RBM15B: variants seen among roughly 807,000 people sequenced by gnomAD.
The protein encoded by RBM15B is RNA binding motif protein 15B, also known as putative RNA-binding protein 15B.
A neutral mutation model predicts 53.3 loss-of-function variants in RBM15B; 11 were observed. The observed-to-expected ratio is 0.21, with a 90% CI of 0.13 to 0.34. RBM15B has a LOEUF of 0.34. Ranked by LOEUF, RBM15B falls within the 10% of genes least tolerant of loss-of-function variation. The probability of loss-of-function intolerance (pLI) is 1.00; values close to 1 mark genes in which losing one functional copy is unlikely to be tolerated. For missense variants in RBM15B, 1,136 were observed against 1,250.3 expected (o/e 0.91, Z 1.38); for synonymous variants, 631 against 540.7 (o/e 1.17, Z -2.32).
In RBM15B at chr3:51,393,279, G is replaced by A. The variant is rs1553621930; in HGVS notation, c.1880G>A (p.Gly627Asp). The A allele has an allele frequency of 1.9e-6, 3 of 1,611,472 alleles. No individual in the cohort carries two copies. The highest frequency in any genetic ancestry group is 2.5e-6 in the Non-Finnish European group (3 of 1,178,898). ...GGCAGTGGGCAGCAGTCAGAGCGGGGCTCCGACCGCACCCCTGAGCGCAGC... is the reference window on the plus strand; with the variant it reads ...GGCAGTGGGCAGCAGTCAGAGCGGGACTCCGACCGCACCCCTGAGCGCAGC... The part of the protein sequence containing the change: ...TKGSGQQSER[G>D]SDRTPERSRK... The change falls in exon 1 of 1, where the codon GGC (glycine) becomes GAC (aspartate). Residue 627 changes from glycine to aspartate, a missense_variant. Coordinates refer to ENST00000563281, the MANE Select transcript of RBM15B (RefSeq NM_013286.5). This position sits in a 1 kb window ranked among gnomAD's most constrained non-coding sequence, Gnocchi z 5.6.
rs200506718 is a variant in RBM15B, at chr3:51,394,097, A to T, written c.*25A>T. ...GCCCAAGCCTGTCTTTCCCAGCGTC[A>T]TGTTTGTGTCACAAAAGCAGTTATT... On this transcript the variant is annotated 3_prime_UTR_variant, in exon 1 of 1. Transcript: ENST00000563281. The T allele has an allele frequency of 1.4e-6, 2 of 1,395,124 alleles. No individual in the cohort carries two copies. The highest frequency in any genetic ancestry group is 2.9e-5 in the African/African-American group (2 of 68,100). The allele number at this position is 1,395,124 out of a possible 1,614,324, so 86.4% of individuals were successfully genotyped here.
rs1553622571 is a variant in RBM15B, at chr3:51,395,521, C to T, written c.*1449C>T. 1 of 327,610 alleles carries T rather than the reference C, an allele frequency of 3.1e-6. No individual in the cohort carries two copies. Among genetic ancestry groups the T allele is most frequent in the Non-Finnish European group, 5.8e-6 (1 of 172,038 alleles). 20.3% of individuals were successfully genotyped at this position (327,610 alleles called of 1,614,324 possible). Reference sequence around the variant, plus strand: ...TTGTCACCATGGAACACCCCAAATGCCATTCTTCAGCGTGTCTGGTACCTT... The same window carrying T: ...TTGTCACCATGGAACACCCCAAATGTCATTCTTCAGCGTGTCTGGTACCTT... On this transcript the variant is annotated 3_prime_UTR_variant, in exon 1 of 1. Transcript: ENST00000563281.
rs782416340 is a variant in RBM15B at position 51,397,626 on chromosome 3, C to G, written c.*3554C>G. 6.0e-6 allele frequency: 1 copy of G among 167,126 alleles called. No homozygotes were observed. The highest frequency in any genetic ancestry group is 1.5e-5 in the Non-Finnish European group (1 of 68,164). 10.4% of individuals were successfully genotyped at this position (167,126 alleles called of 1,614,324 possible). On this transcript the variant is annotated 3_prime_UTR_variant, in exon 1 of 1. Coordinates refer to ENST00000563281, the MANE Select transcript of RBM15B (RefSeq NM_013286.5). ...GGGAACAAAGCCCTGACCTCTCTCT[C>G]CACATTACCCTTACAAAAACAGGCC...
In RBM15B at chr3:51,394,142, C is replaced by A. The variant is rs1553622185; in HGVS notation, c.*70C>A. The A allele has an allele frequency of 3.0e-6, 4 of 1,342,942 alleles. No individual in the cohort carries two copies. Among genetic ancestry groups the A allele is most frequent in the Admixed American group, 6.0e-5 (2 of 33,360 alleles). 83.2% of individuals were successfully genotyped at this position (1,342,942 alleles called of 1,614,324 possible). On this transcript the variant is annotated 3_prime_UTR_variant, in exon 1 of 1. Coordinates refer to ENST00000563281, the MANE Select transcript of RBM15B (RefSeq NM_013286.5). ...GTTATTTTAAAATCTGATCCCCTCT[C>A]TACCCTACCACTTTGGTTTGAATTA...
chr3:51,393,448 C>G lies in RBM15B; in HGVS notation c.2049C>G (p.Asp683Glu). The G allele has an allele frequency of 6.2e-7, 1 of 1,613,910 alleles. No homozygotes were observed. ...CTTCCCACGGGAAGAAGGCAAGAGA[C>G]AGCGAGCGCAATCACCGGACCACAG... ...ADSSHGKKAR[D>E]SERNHRTTEA... Residue 683 changes from aspartate to glutamate, a missense_variant, in exon 1 of 1, where the codon GAC becomes GAG. This residue lies in a region of RBM15B where 578 missense variants were observed against 581.6 expected (regional missense o/e 0.99). Transcript: ENST00000563281. This position sits in a 1 kb window ranked among gnomAD's most constrained non-coding sequence, Gnocchi z 5.6.
At position 51,393,541 on chromosome 3, in the gene RBM15B, C is replaced by T. The variant is rs782418158; in HGVS notation, c.2142C>T (p.Tyr714=). 1.3e-5 allele frequency: 21 copies of T among 1,614,062 alleles called. No individual in the cohort carries two copies. The highest frequency in any genetic ancestry group is 8.8e-5 in the South Asian group (8 of 91,080). ...AAAAGCTGAAGAATCTTTCAGAGTACGCTCAGACACTACAGCTGGGTTGGA... is the reference window on the plus strand; with the variant it reads ...AAAAGCTGAAGAATCTTTCAGAGTATGCTCAGACACTACAGCTGGGTTGGA... ...ETKKLKNLSE[Y]AQTLQLGWNG... is the part of the protein sequence containing the mutation. Residue 714 remains tyrosine, a synonymous_variant, in exon 1 of 1, where the codon TAC becomes TAT. Coordinates refer to ENST00000563281, the MANE Select transcript of RBM15B (RefSeq NM_013286.5). The surrounding 1 kb of genome is among the most constrained non-coding windows in gnomAD (Gnocchi z 5.6).
chr3:51,395,882 T>TTTA lies in RBM15B; in HGVS notation c.*1813_*1815dup, dbSNP rs1333534233. The TTTA allele has an allele frequency of 1.2e-5, 5 of 413,440 alleles. No homozygotes were observed. In the East Asian group the frequency reaches 1.8e-4, roughly 15 times the overall value. 25.6% of individuals were successfully genotyped at this position (413,440 alleles called of 1,614,324 possible). A position where few individuals can be genotyped will look rare whatever the true frequency, so the allele number is the denominator to read the frequency against. On this transcript the variant is annotated 3_prime_UTR_variant, in exon 1 of 1. Coordinates refer to ENST00000563281, the MANE Select transcript of RBM15B (RefSeq NM_013286.5). Reference sequence around the variant, plus strand: ...GCAACACAAAGACATGTTAAGCATGTTTATTTATTTGCCTGTTTTTGTTTT... The same window carrying TTTA: ...GCAACACAAAGACATGTTAAGCATGTTTATTATTTATTTGCCTGTTTTTGTTTT...
In RBM15B at chr3:51,393,144, G is replaced by A. The variant is rs1553621902; in HGVS notation, c.1745G>A (p.Gly582Glu). The A allele has an allele frequency of 1.9e-6, 3 of 1,613,932 alleles. No individual in the cohort carries two copies. The highest frequency in any genetic ancestry group is 2.5e-6 in the Non-Finnish European group (3 of 1,179,954). ...AGTGGTGAGCGTTGGGGGGCAGATG[G>A]AGACCGTGGTTTGCCCAAGCCCTGG... Reference protein sequence around the residue: ...SRSGERWGADGDRGLPKPWEE... With the variant: ...SRSGERWGADEDRGLPKPWEE... Residue 582 changes from glycine (G) to glutamate (E), a missense_variant, in exon 1 of 1, where the codon GGA becomes GAA. By Grantham distance (98) the Gly-to-Glu change is moderately conservative. Coordinates refer to ENST00000563281, the MANE Select transcript of RBM15B (RefSeq NM_013286.5). The surrounding 1 kb of genome is among the most constrained non-coding windows in gnomAD (Gnocchi z 5.6).
Position 51,392,242 on chromosome 3 carries a change from C to G in RBM15B, c.843C>G (p.His281Gln). The change falls in exon 1 of 1, where the codon CAC (histidine) becomes CAG (glutamine). Residue 281 changes from histidine to glutamine, a missense_variant. His to Gln is a conservative substitution (Grantham distance 24). Around this residue, in one of 7 missense-constraint regions of RBM15B, gnomAD observed 204 missense variants for 196.8 expected, o/e 1.04. Coordinates refer to ENST00000563281, the MANE Select transcript of RBM15B (RefSeq NM_013286.5). The surrounding 1 kb of genome is among the most constrained non-coding windows in gnomAD (Gnocchi z 7.5). ...CCCTGCGGGAGCCCCGTGCCCGTCA[C>G]GCCGCCGCAGCCTTCGCCCTGGATG... ...APPLREPRAR[H>Q]AAAAFALDAA... 1 of 1,579,778 alleles carries G rather than the reference C, an allele frequency of 6.3e-7. No homozygotes were observed. Among genetic ancestry groups the G allele is most frequent in the Non-Finnish European group, 8.6e-7 (1 of 1,167,610 alleles).
At position 51,393,057 on chromosome 3, in the gene RBM15B, C is replaced by A. The variant is rs782037286; in HGVS notation, c.1658C>A (p.Pro553His). The A allele has an allele frequency of 3.1e-6, 5 of 1,613,808 alleles. No homozygotes were observed. In the African/African-American group the frequency reaches 5.3e-5, roughly 17 times the overall value. ...TTTTTGGAAGGGGACTGGACCAGCC[C>A]CAGTAAAAGCTCTGACCGCCGAAAC... ...RTFLEGDWTS[P>H]SKSSDRRNSL... is the part of the protein sequence containing the mutation. The change falls in exon 1 of 1, where the codon CCC becomes CAC. Residue 553 changes from proline (P) to histidine (H), a missense_variant. Coordinates refer to ENST00000563281, the MANE Select transcript of RBM15B (RefSeq NM_013286.5). The surrounding 1 kb of genome is among the most constrained non-coding windows in gnomAD (Gnocchi z 5.6).
At position 51,392,451 on chromosome 3, in the gene RBM15B, T is replaced by G. The variant is rs781993747; in HGVS notation, c.1052T>G (p.Val351Gly). 9 of 1,613,802 alleles carry G rather than the reference T, an allele frequency of 5.6e-6. No homozygotes were observed. Among genetic ancestry groups the G allele is most frequent in the Non-Finnish European group, 7.6e-6 (9 of 1,180,022 alleles). The part of the protein sequence containing the change: ...IGNLDHSVSE[V>G]ELRRAFEKYG... ...AACCTGGACCACAGCGTATCTGAGG[T>G]GGAGCTGCGAAGGGCCTTCGAGAAA... The change falls in exon 1 of 1, where the codon GTG (valine) becomes GGG (glycine). Residue 351 changes from valine (V) to glycine (G), a missense_variant. Around this residue, in one of 7 missense-constraint regions of RBM15B, gnomAD observed 40 missense variants for 74.2 expected, o/e 0.54. Coordinates refer to ENST00000563281, the MANE Select transcript of RBM15B (RefSeq NM_013286.5). The surrounding 1 kb of genome is among the most constrained non-coding windows in gnomAD (Gnocchi z 7.5).
chr3:51,392,118 C>G lies in RBM15B; in HGVS notation c.719C>G (p.Pro240Arg). The change falls in exon 1 of 1, where the codon CCC (proline) becomes CGC (arginine). Residue 240 changes from proline (P) to arginine (R), a missense_variant. By Grantham distance (103) the Pro-to-Arg change is moderately radical. Transcript: ENST00000563281. This position sits in a 1 kb window ranked among gnomAD's most constrained non-coding sequence, Gnocchi z 7.5. Reference protein sequence around the residue: ...SSSSAAASTPPPGPPAPADPL... With the variant: ...SSSSAAASTPRPGPPAPADPL... ...AGCAGCGCCGCCGCTTCCACGCCTC[C>G]CCCAGGGCCGCCCGCGCCCGCCGAC... 6.5e-7 allele frequency: 1 copy of G among 1,540,170 alleles called. No individual in the cohort carries two copies. The highest frequency in any genetic ancestry group is 8.7e-7 in the Non-Finnish European group (1 of 1,149,196).
chr3:51,391,987 C>G lies in RBM15B; in HGVS notation c.588C>G (p.Ala196=), dbSNP rs1553621624. ...GGCACCCACAGGACGCACGCGAGGCCCGCCAGCACGCCCTGGCCCGGCAGC... is the reference window on the plus strand; with the variant it reads ...GGCACCCACAGGACGCACGCGAGGCGCGCCAGCACGCCCTGGCCCGGCAGC... ...NFRHPQDARE[A]RQHALARQLL... Residue 196 remains alanine, a synonymous_variant, in exon 1 of 1, where the codon GCC becomes GCG. Coordinates refer to ENST00000563281, the MANE Select transcript of RBM15B (RefSeq NM_013286.5). This position sits in a 1 kb window ranked among gnomAD's most constrained non-coding sequence, Gnocchi z 4.5. 1.3e-6 allele frequency: 2 copies of G among 1,599,282 alleles called. No individual in the cohort carries two copies. Among genetic ancestry groups the G allele is most frequent in the South Asian group, 2.2e-5 (2 of 90,696 alleles).
In RBM15B at chr3:51,391,378, G is replaced by T; in HGVS notation, c.-22G>T. 6.6e-6 allele frequency: 8 copies of T among 1,206,592 alleles called. No homozygotes were observed. Among genetic ancestry groups the T allele is most frequent in the South Asian group, 7.3e-5 (2 of 27,236 alleles). 74.7% of individuals were successfully genotyped at this position (1,206,592 alleles called of 1,614,324 possible). On this transcript the variant is annotated 5_prime_UTR_variant, in exon 1 of 1. Transcript: ENST00000563281. This position sits in a 1 kb window ranked among gnomAD's most constrained non-coding sequence, Gnocchi z 4.5. Reference sequence around the variant, plus strand: ...CGCCGCTGTGAGAAACCTACGGGCCGCCCGCCCGCCGCGCCAGCGCCATGA... The same window carrying T: ...CGCCGCTGTGAGAAACCTACGGGCCTCCCGCCCGCCGCGCCAGCGCCATGA...
Position 51,392,638 on chromosome 3 carries a change from G to A in RBM15B, c.1239G>A (p.Lys413=), listed in dbSNP as rs2089057960. The change falls in exon 1 of 1, where the codon AAG becomes AAA. Residue 413 remains lysine (K), a synonymous_variant. Transcript: ENST00000563281. This position sits in a 1 kb window ranked among gnomAD's most constrained non-coding sequence, Gnocchi z 7.5. The stretch of plus-strand genomic sequence containing the variant: ...ACCCCATTAAGATAGGCTATGGCAA[G>A]GCCAACCCCACCACTCGTCTCTGGG... ...GRNPIKIGYG[K]ANPTTRLWVG... 1.5e-5 allele frequency: 24 copies of A among 1,614,140 alleles called. No homozygotes were observed. The highest frequency in any genetic ancestry group is 1.9e-5 in the Non-Finnish European group (23 of 1,180,048).
Position 51,391,523 on chromosome 3 carries a change from T to C in RBM15B, c.124T>C (p.Ser42Pro), listed in dbSNP as rs1553621516. ...AGGRRAAHKASGGAKHPVPAR... is the reference protein window; with the variant it reads ...AGGRRAAHKAPGGAKHPVPAR... ...CGGGCGGCGGGCGGCGCACAAGGCC[T>C]CTGGCGGCGCCAAGCACCCGGTTCC... The change falls in exon 1 of 1, where the codon TCT becomes CCT. Residue 42 changes from serine (S) to proline (P), a missense_variant. Around this residue, in one of 7 missense-constraint regions of RBM15B, gnomAD observed 257 missense variants for 261.1 expected, o/e 0.98. Coordinates refer to ENST00000563281, the MANE Select transcript of RBM15B (RefSeq NM_013286.5). The surrounding 1 kb of genome is among the most constrained non-coding windows in gnomAD (Gnocchi z 4.5). 2 of 1,193,604 alleles carry C rather than the reference T, an allele frequency of 1.7e-6. No homozygotes were observed. The highest frequency in any genetic ancestry group is 2.1e-6 in the Non-Finnish European group (2 of 963,242). The allele number at this position is 1,193,604 out of a possible 1,614,324, so 73.9% of individuals were successfully genotyped here.
At position 51,392,606 on chromosome 3, in the gene RBM15B, G is replaced by T; in HGVS notation, c.1207G>T (p.Gly403Cys). The change falls in exon 1 of 1, where the codon GGT (glycine) becomes TGT (cysteine). Residue 403 changes from glycine to cysteine, a missense_variant. By Grantham distance (159) the Gly-to-Cys change is radical (BLOSUM62 -3). Coordinates refer to ENST00000563281, the MANE Select transcript of RBM15B (RefSeq NM_013286.5). This position sits in a 1 kb window ranked among gnomAD's most constrained non-coding sequence, Gnocchi z 7.5. ...AKVAMSGRVI[G>C]RNPIKIGYGK... ...GGTGGCCATGTCGGGCCGAGTGATT[G>T]GTCGCAACCCCATTAAGATAGGCTA... 1 of 1,614,040 alleles carries T rather than the reference G, an allele frequency of 6.2e-7. No homozygotes were observed. Among genetic ancestry groups the T allele is most frequent in the Middle Eastern group, 1.6e-4 (1 of 6,062 alleles).
Position 51,395,578 on chromosome 3 carries a change from G to A in RBM15B, c.*1506G>A. 2 of 395,280 alleles carry A rather than the reference G, an allele frequency of 5.1e-6. No homozygotes were observed. Among genetic ancestry groups the A allele is most frequent in the Non-Finnish European group, 9.3e-6 (2 of 215,404 alleles). 24.5% of individuals were successfully genotyped at this position (395,280 alleles called of 1,614,324 possible). On this transcript the variant is annotated 3_prime_UTR_variant, in exon 1 of 1. Transcript: ENST00000563281. ...TCAAACAGGGAACACTGTCAGGGCT[G>A]AGGAGAACAGAAGCTCTGGTAAGCG...
chr3:51,394,734 A>C lies in RBM15B; in HGVS notation c.*662A>C, dbSNP rs1335765007. ...GTGTGTGTCCATCATCATCAGTTTG[A>C]GCTGTGGCTGTTTGTTTGGGACAGA... On this transcript the variant is annotated 3_prime_UTR_variant, in exon 1 of 1. Transcript: ENST00000563281. 1 of 167,082 alleles carries C rather than the reference A, an allele frequency of 6.0e-6. No homozygotes were observed. Among genetic ancestry groups the C allele is most frequent in the Non-Finnish European group, 1.5e-5 (1 of 68,196 alleles). The allele number at this position is 167,082 out of a possible 1,614,324, so 10.3% of individuals were successfully genotyped here.
Sources: allele counts gnomAD v4.1 joint callset, GRCh38; gene constraint gnomAD v4.1.1; regional missense constraint gnomAD v4.1.1; non-coding constraint Gnocchi (gnomAD v3.1); transcripts MANE v1.5; gene names NCBI Gene and HGNC (gene_info 2026-07-23, HGNC 2026-07-21).